The following ANO6 variants were observed in gnomAD, a reference collection of about 807,000 sequenced individuals.
ANO6 encodes anoctamin 6.
ANO6 carries 106 observed loss-of-function variants against 117.5 expected under a neutral mutation model. That is an observed-to-expected ratio of 0.90 (90% CI 0.77 to 1.06). The LOEUF is 1.06. Among genes scored for constraint, ANO6 ranks in the 50% least tolerant of loss-of-function variants. The pLI, the probability that ANO6 is intolerant of heterozygous loss-of-function variation, is 0.00. For missense variants in ANO6, 955 were observed against 1,121.1 expected, an observed-to-expected ratio of 0.85 and a Z score of 2.12; for synonymous variants, 367 against 385.1, an observed-to-expected ratio of 0.95 and a Z score of 0.55.
At chr12:45,259,273 G>A (rs745424120) in intron 1 of ANO6, among the ~76,000 whole-genome samples, 2 of 152,134 alleles carry the variant, frequency 1.3e-5, no homozygotes, top group Non-Finnish European at 2.9e-5. Flanking sequence ...GCTTTTTCCT[G>A]GTTTCTGTGT....
intron 1 of ANO6, among the ~76,000 whole-genome samples, chr12:45,277,882 T>C (rs1355334764): frequency 2.6e-5 from 4 of 152,190 alleles, no homozygotes; most frequent in Non-Finnish European, 5.9e-5. Context: ...TAATGATTAG[T>C]ATGGTGGAAA....
intron 1 of ANO6, among the ~76,000 whole-genome samples, chr12:45,242,562 AC>A (rs1220011696): frequency 2.0e-5 from 3 of 152,092 alleles, no homozygotes; most frequent in Admixed American, 6.6e-5. Flanking sequence ...GCTTTGGCTC[AC>A]CCTCTGTGGG....
At chr12:45,422,209 A>G (rs1481632499) in intron 18 of ANO6, among the ~76,000 whole-genome samples, 1 of 152,220 alleles carries the variant, frequency 6.6e-6, no homozygotes, top group Non-Finnish European at 1.5e-5. Context: ...AACACTTGAT[A>G]TCTGACAACA....
intron 7 of ANO6, among the ~76,000 whole-genome samples, chr12:45,351,592 T>C (rs755639549): frequency 6.6e-6 from 1 of 152,106 alleles, no homozygotes; most frequent in Non-Finnish European, 1.5e-5. Flanking sequence ...GAGGGAGTTA[T>C]CTTTGAGGAG....
At chr12:45,227,992 C>G (rs2137133018) in intron 1 of ANO6, among the ~76,000 whole-genome samples, 1 of 152,228 alleles carries the variant, frequency 6.6e-6, no homozygotes, top group East Asian at 1.9e-4. Flanking sequence ...GAATCTCTTT[C>G]AGGGAAATCT....
intron 8 of ANO6, among the ~76,000 whole-genome samples, chr12:45,364,410 T>G (rs1941632035): frequency 6.6e-6 from 1 of 152,216 alleles, no homozygotes. Flanking sequence ...TCTCCTTTTT[T>G]CTCTGGGACT....
At chr12:45,392,826 A>G (rs889766762) in intron 12 of ANO6, among the ~76,000 whole-genome samples, 1 of 152,264 alleles carries the variant, frequency 6.6e-6, no homozygotes, top group Non-Finnish European at 1.5e-5. Context: ...CATCTACACC[A>G]AAACCCCATC....
chr12:45,399,687 G>A (rs535611359), intron 12 of ANO6, among the ~76,000 whole-genome samples: 27 of 152,066 alleles, frequency 1.8e-4, no homozygotes, highest in Non-Finnish European at 3.4e-4. Context: ...GCACATCAGG[G>A]CAATCCCACC....
At chr12:45,291,158 G>A (rs183118034) in intron 1 of ANO6, among the ~76,000 whole-genome samples, 2 of 152,008 alleles carry the variant, frequency 1.3e-5, no homozygotes, top group Admixed American at 6.6e-5. Flanking sequence ...ATTAACCCAC[G>A]TGCAAGAGCT....
chr12:45,392,080 C>A (rs7308503), intron 12 of ANO6, among the ~76,000 whole-genome samples: 2 of 152,080 alleles, frequency 1.3e-5, no homozygotes, highest in Non-Finnish European at 2.9e-5. Flanking sequence ...AGGGGTCGGG[C>A]GATTTCCCTT....
At chr12:45,336,670 G>T (rs1370519983) in intron 3 of ANO6, among the ~76,000 whole-genome samples, 3 of 151,996 alleles carry the variant, frequency 2.0e-5, no homozygotes, top group East Asian at 3.9e-4. Flanking sequence ...GTATAGTACC[G>T]AACGCTTGTT....
chr12:45,359,235 C>T (rs1941492627), intron 8 of ANO6, among the ~76,000 whole-genome samples: 1 of 151,750 alleles, frequency 6.6e-6, no homozygotes, highest in Non-Finnish European at 1.5e-5. Flanking sequence ...AGGGATTTAC[C>T]TATTCTGGAC....
intron 1 of ANO6, among the ~76,000 whole-genome samples, chr12:45,255,818 GTTTTTTT>G (rs551517877): frequency 1.2e-5 from 1 of 81,692 alleles, no homozygotes; most frequent in African/African-American, 4.5e-5. Context: ...CTCCCTGGGT[GTTTTTTT>G]TTTTTTTTTT....
intron 1 of ANO6, among the ~76,000 whole-genome samples, chr12:45,250,717 T>C (rs1444125560): frequency 7.5e-6 from 1 of 132,936 alleles, no homozygotes; most frequent in Non-Finnish European, 1.6e-5. Context: ...CTTTTAAAAA[T>C]GGAGAAGATA....
chr12:45,339,649 T>C (rs1202774182), intron 3 of ANO6, among the ~76,000 whole-genome samples: 1 of 152,128 alleles, frequency 6.6e-6, no homozygotes, highest in African/African-American at 2.4e-5. Flanking sequence ...CCACTAACAT[T>C]AAATGTTTTT....
intron 1 of ANO6, among the ~76,000 whole-genome samples, chr12:45,261,346 A>C (rs1218560618): frequency 6.6e-6 from 1 of 152,150 alleles, no homozygotes; most frequent in Non-Finnish European, 1.5e-5. Context: ...TTAGTATTTC[A>C]CTTGCTATCC....
At chr12:45,244,412 G>GC (rs1430412035) in intron 1 of ANO6, among the ~76,000 whole-genome samples, 1 of 148,492 alleles carries the variant, frequency 6.7e-6, no homozygotes, top group Admixed American at 6.7e-5. Flanking sequence ...TTGGGGGGGG[G>GC]GGGTGGTCTG....
chr12:45,423,553 G>A (rs1943419520), intron 19 of ANO6, among the ~76,000 whole-genome samples: 1 of 152,156 alleles, frequency 6.6e-6, no homozygotes, highest in South Asian at 2.1e-4. Flanking sequence ...TAATTGGTAT[G>A]GTAGATAGGA....
chr12:45,431,505 A>G lies in ANO6; in HGVS notation c.*2194A>G. ...CCCCAGCAGAGAAAATCCTCTTCAT[A>G]GATTAAATGTGCTGCTGTGGACAGG... On this transcript the variant is annotated 3_prime_UTR_variant, in exon 20 of 20. Transcript: ENST00000320560. 1.0e-6 allele frequency: 1 copy of G among 985,430 alleles called. No homozygotes were observed. Among genetic ancestry groups the G allele is most frequent in the African/African-American group, 1.7e-5 (1 of 57,348 alleles). The allele number at this position is 985,430 out of a possible 1,614,324, so 61.0% of individuals were successfully genotyped here.
Sources: allele counts gnomAD v4.1 joint callset (sites outside exome capture counted in the v4.1 genomes callset), GRCh38; gene constraint gnomAD v4.1.1; transcripts MANE v1.5; gene names NCBI Gene and HGNC (gene_info 2026-07-23, HGNC 2026-07-21).